The following SLC7A10 variants were observed in gnomAD, a reference collection of about 807,000 sequenced individuals.
SLC7A10 encodes asc-type amino acid transporter 1.
A neutral mutation model predicts 52.7 loss-of-function variants in SLC7A10; 30 were observed. The observed-to-expected ratio is 0.57, with a 90% confidence interval of 0.43 to 0.77. SLC7A10 has a LOEUF of 0.77. Among genes scored for constraint, SLC7A10 ranks in the 30% least tolerant of loss-of-function variants. SLC7A10 has a pLI of 0.00. For synonymous variants in SLC7A10, 318 were observed against 314.9 expected, an observed-to-expected ratio of 1.01 and a Z score of -0.10; for missense variants, 581 against 698.5, an observed-to-expected ratio of 0.83 and a Z score of 1.90.
chr19:33,223,600 T>C (rs1464613191), intron 1 of SLC7A10, among the ~76,000 whole-genome samples: 3 of 146,290 alleles, frequency 2.1e-5, no homozygotes, highest in Non-Finnish European at 4.4e-5. Flanking sequence ...GTTGATCTCC[T>C]TGTTTTTTCC....
rs549388646 is a variant in SLC7A10, at chr19:33,210,088, G to A, written c.1263+379C>T. On this transcript the variant is annotated intron_variant, in intron 9 of 10. Coordinates refer to ENST00000253188, the MANE Select transcript of SLC7A10 (RefSeq NM_019849.3). The surrounding 1 kb of genome is among the most constrained non-coding windows in gnomAD (Gnocchi z 5.6). The stretch of plus-strand genomic sequence containing the variant: ...CTCAAGTAGCTGGGACCACAGGTGC[G>A]CACCACCACACCAGGCTAACCCTTT... Among the ~76,000 whole-genome samples the A allele has an allele frequency of 2.6e-5, 4 of 152,018 alleles. No homozygotes were observed. Among genetic ancestry groups the A allele is most frequent in the East Asian group, 3.9e-4 (2 of 5,148 alleles).
intron 2 of SLC7A10, 57 bp downstream of exon 2, chr19:33,215,712 T>C (rs1703235961): frequency 1.4e-6 from 2 of 1,480,834 alleles, no homozygotes; most frequent in African/African-American, 1.5e-5. Context: ...CCAGGGCTCA[T>C]TTGGCCATCC....
At position 33,215,973 on chromosome 19, in the gene SLC7A10, C is replaced by T; in HGVS notation, c.152G>A (p.Gly51Glu). The change falls in exon 2 of 11, where the codon GGG becomes GAG. Residue 51 changes from glycine to glutamate, a missense_variant and splice_region_variant. Gly to Glu is a moderately conservative substitution (Grantham distance 98). Transcript: ENST00000253188. ...GLLSACTIIIGNIIGSGIFIS... is the reference protein window; with the variant it reads ...GLLSACTIIIENIIGSGIFIS... ...GAAGATGCCCGAGCCGATGATGTTC[C>T]CTGCAGGGGGAGAGATGGGGAGGCA... is the stretch of plus-strand genomic sequence containing the variant. 1 of 1,581,768 alleles carries T rather than the reference C, an allele frequency of 6.3e-7. No homozygotes were observed. The highest frequency in any genetic ancestry group is 8.6e-7 in the Non-Finnish European group (1 of 1,157,298).
intron 9 of SLC7A10, 145 bp from the exon 10 acceptor site, chr19:33,209,630 G>A (rs1321850672): frequency 2.9e-5 from 24 of 834,806 alleles, no homozygotes; most frequent in South Asian, 2.1e-4. Flanking sequence ...CCCTCTTGGC[G>A]ACAGCCCAGT....
At chr19:33,223,309 G>T (rs956007352) in intron 1 of SLC7A10, among the ~76,000 whole-genome samples, 7 of 117,294 alleles carry the variant, frequency 6.0e-5, no homozygotes, top group South Asian at 5.5e-4. Flanking sequence ...CTCTGTCTCA[G>T]AAAAAAAAAA....
At chr19:33,216,958 T>C (rs1660266521) in intron 1 of SLC7A10, among the ~76,000 whole-genome samples, 1 of 152,054 alleles carries the variant, frequency 6.6e-6, no homozygotes, top group Non-Finnish European at 1.5e-5. Context: ...TACTGCAGCC[T>C]GGGACTCCTG....
intron 3 of SLC7A10, 29 bp from the exon 4 acceptor site, chr19:33,212,668 G>A (rs773976001): frequency 9.3e-6 from 15 of 1,613,096 alleles, no homozygotes; most frequent in Middle Eastern, 3.3e-4. Context: ...GGTGGGCGCC[G>A]AGGCCGGGAC....
intron 2 of SLC7A10, 126 bp downstream of exon 2, chr19:33,215,625 CATCCACCCCCCACACCTT>C: frequency 1.6e-6 from 1 of 640,840 alleles, no homozygotes; most frequent in South Asian, 2.8e-5. Flanking sequence ...ACCTTCTCTC[CATCCACCCCCCACACCTT>C]CTCTCCATCC....
chr19:33,209,558 TGG>T lies in SLC7A10; in HGVS notation c.1264-75_1264-74del. ...TCTGTACCCCCGACCCCTGGGGGTCTGGGGAATTTTCCTCCCTTCCCTGGGAG... is the reference window on the plus strand; with the variant it reads ...TCTGTACCCCCGACCCCTGGGGGTCTGGAATTTTCCTCCCTTCCCTGGGAG... On this transcript the variant is annotated intron_variant, in intron 9 of 10. Coordinates refer to ENST00000253188, the MANE Select transcript of SLC7A10 (RefSeq NM_019849.3). 2.7e-6 allele frequency: 4 copies of T among 1,501,550 alleles called. No individual in the cohort carries two copies. The South Asian group carries it at 4.8e-5, about 18-fold the overall frequency. 93.0% of individuals were successfully genotyped at this position (1,501,550 alleles called of 1,614,324 possible). A position where few individuals can be genotyped will look rare whatever the true frequency, so the allele number is the denominator to read the frequency against.
chr19:33,211,441 C>A lies in SLC7A10; in HGVS notation c.885G>T (p.Glu295Asp). The change falls in exon 6 of 11, where the codon GAG (glutamate) becomes GAT (aspartate). Residue 295 changes from glutamate to aspartate, a missense_variant. Physicochemically the swap from Glu to Asp is conservative, Grantham distance 45 (BLOSUM62 2). Transcript: ENST00000253188. ...IAYFTAMSPQ[E>D]LLSSNAVAVT... ...CAGCCACCGCATTGGAGGAGAGCAG[C>A]TCCTGGGGGGACATGGCCGTGAAGT... The A allele has an allele frequency of 4.3e-6, 7 of 1,614,098 alleles. No individual in the cohort carries two copies. The highest frequency in any genetic ancestry group is 4.2e-6 in the Non-Finnish European group (5 of 1,180,016).
intron 1 of SLC7A10, among the ~76,000 whole-genome samples, chr19:33,223,001 A>C (rs766148392): frequency 6.6e-6 from 1 of 152,144 alleles, no homozygotes; most frequent in Non-Finnish European, 1.5e-5. Flanking sequence ...ATAACAAACC[A>C]AGGTAGATTA....
intron 1 of SLC7A10, among the ~76,000 whole-genome samples, chr19:33,217,408 G>C (rs191355119): frequency 1.1e-3 from 164 of 152,306 alleles, no homozygotes; most frequent in African/African-American, 3.9e-3. Context: ...TGCCTGCTGA[G>C]CCCTGAGCTC....
Position 33,215,761 on chromosome 19 carries a change from A to G in SLC7A10, c.356+8T>C. The G allele has an allele frequency of 1.3e-6, 2 of 1,552,460 alleles. No individual in the cohort carries two copies. Among genetic ancestry groups the G allele is most frequent in the Non-Finnish European group, 1.7e-6 (2 of 1,147,732 alleles). The stretch of plus-strand genomic sequence containing the variant: ...GTGTCCCCCTGCCCGCTGGTGCCCC[A>G]CACTCACCCAGCCAGGCCCCCGAAG... On this transcript the variant is annotated splice_region_variant and intron_variant, in intron 2 of 10. Coordinates refer to ENST00000253188, the MANE Select transcript of SLC7A10 (RefSeq NM_019849.3).
At chr19:33,215,594 T>G (rs1974656135) in intron 2 of SLC7A10, among the ~76,000 whole-genome samples, 175 bp downstream of exon 2, 2 of 112,624 alleles carry the variant, frequency 1.8e-5, no homozygotes, top group South Asian at 2.8e-4. Flanking sequence ...CCCCCACACC[T>G]TCTCTCCATC....
chr19:33,219,056 C>G (rs1314717264), intron 1 of SLC7A10, among the ~76,000 whole-genome samples: 11 of 151,940 alleles, frequency 7.2e-5, no homozygotes, highest in Non-Finnish European at 1.5e-5. Flanking sequence ...TGTTGGGTGT[C>G]TGACCCATGG....
chr19:33,217,264 G>A (rs111865574), intron 1 of SLC7A10, among the ~76,000 whole-genome samples: 2,601 of 152,048 alleles, frequency 0.017, 78 homozygotes, highest in African/African-American at 0.06. Flanking sequence ...CACCCACTTC[G>A]GCCTCCCGAA....
chr19:33,217,723 A>G (rs1974720467), intron 1 of SLC7A10: 1 of 152,196 alleles, frequency 6.6e-6, no homozygotes, highest in African/African-American at 2.4e-5. Flanking sequence ...GTAGCTGCCA[A>G]TTTGTATTCA....
chr19:33,218,349 G>T (rs1007872317), intron 1 of SLC7A10, among the ~76,000 whole-genome samples: 1 of 152,240 alleles, frequency 6.6e-6, no homozygotes, highest in Non-Finnish European at 1.5e-5. Context: ...TCAGGCCACA[G>T]TTCAGGACTT....
chr19:33,220,682 A>G (rs901612483), intron 1 of SLC7A10, among the ~76,000 whole-genome samples: 32 of 152,122 alleles, frequency 2.1e-4, no homozygotes, highest in African/African-American at 7.7e-4. Flanking sequence ...TGAAATCTGT[A>G]TATGCAACGA....
Sources: gnomAD v4.1 joint callset for allele counts (sites outside exome capture counted in the v4.1 genomes callset) on GRCh38, gnomAD v4.1.1 for gene constraint, Gnocchi (gnomAD v3.1) non-coding constraint, MANE v1.5 for transcripts, NCBI Gene and HGNC (gene_info 2026-07-23, HGNC 2026-07-21) for gene names.